Variants in FBXO4 observed in about 807,000 individuals in gnomAD.
FBXO4 encodes F-box only protein 4.
FBXO4 carries 36 observed loss-of-function variants against 43.7 expected under a neutral mutation model. That is an observed-to-expected ratio of 0.82 (90% CI 0.63 to 1.09). FBXO4 has a LOEUF of 1.09. FBXO4 is among the 50% of genes least tolerant of loss of function. The pLI is 0.00. For synonymous variants in FBXO4, 180 were observed against 165.6 expected, an observed-to-expected ratio of 1.09 and a Z score of -0.67; for missense variants, 435 against 474.1, an observed-to-expected ratio of 0.92 and a Z score of 0.77.
At chr5:41,973,854 A>G in the FBXO4 span, among the ~76,000 whole-genome samples, 2 of 152,222 alleles carry the variant, frequency 1.3e-5, no homozygotes, top group African/African-American at 2.4e-5. Context: ...ATAGCTGATT[A>G]TCTTTTAGAC....
intron 5 of FBXO4, among the ~76,000 whole-genome samples, chr5:41,936,026 T>A (rs1433454442): frequency 2.0e-5 from 3 of 152,354 alleles, no homozygotes; most frequent in Non-Finnish European, 4.4e-5. Context: ...TGATTCAGCC[T>A]ACTGCATTAA....
chr5:42,038,832 A>C, the FBXO4 span, among the ~76,000 whole-genome samples: 1 of 151,972 alleles, frequency 6.6e-6, no homozygotes, highest in Non-Finnish European at 1.5e-5. Context: ...TCATTTTTTA[A>C]AGCTCCCACA....
the FBXO4 span, among the ~76,000 whole-genome samples, chr5:41,975,295 G>C: frequency 6.6e-6 from 1 of 152,308 alleles, no homozygotes; most frequent in Admixed American, 6.5e-5. Flanking sequence ...TCTTTCTATA[G>C]AGTTAAGACT....
the FBXO4 span, among the ~76,000 whole-genome samples, chr5:42,010,707 T>C: frequency 1.2e-4 from 19 of 152,256 alleles, no homozygotes; most frequent in East Asian, 3.7e-3. Context: ...CTTAGGTATA[T>C]ACCCTGAAGT....
chr5:41,987,415 A>G, the FBXO4 span, among the ~76,000 whole-genome samples: 2 of 152,130 alleles, frequency 1.3e-5, no homozygotes, highest in African/African-American at 4.8e-5. Flanking sequence ...CTGCATGCCT[A>G]CATATATCTA....
chr5:42,004,999 A>G, the FBXO4 span, among the ~76,000 whole-genome samples: 2 of 152,166 alleles, frequency 1.3e-5, no homozygotes, highest in Non-Finnish European at 2.9e-5. Flanking sequence ...CTGGTTAGCA[A>G]ATTGCCTGAA....
chr5:41,986,123 T>G, the FBXO4 span, among the ~76,000 whole-genome samples: 3 of 152,126 alleles, frequency 2.0e-5, no homozygotes, highest in Admixed American at 2.0e-4. Context: ...ATTTAGAAAG[T>G]ATTGCGTAAG....
the FBXO4 span, among the ~76,000 whole-genome samples, chr5:41,999,524 C>CAT: frequency 9.7e-3 from 847 of 87,672 alleles, 21 homozygotes; most frequent in African/African-American, 0.041. Flanking sequence ...TATATATATA[C>CAT]ATATATATAT....
chr5:42,011,054 G>A, the FBXO4 span, among the ~76,000 whole-genome samples: 3 of 152,040 alleles, frequency 2.0e-5, no homozygotes, highest in Non-Finnish European at 4.4e-5. Flanking sequence ...AGGCCTCAGT[G>A]TGTGATGTTC....
Position 41,934,195 on chromosome 5 carries a change from A to G in FBXO4, c.785A>G (p.His262Arg), listed in dbSNP as rs763388630. 2.5e-6 allele frequency: 4 copies of G among 1,614,054 alleles called. No homozygotes were observed. In the African/African-American group the frequency reaches 4.0e-5, roughly 16 times the overall value. The change falls in exon 5 of 7, where the codon CAC becomes CGC. Residue 262 changes from histidine (H) to arginine (R), a missense_variant. His to Arg is a conservative substitution (Grantham distance 29). Transcript: ENST00000281623. ...GCAGTTAACAAGATGTTCAGTCGAC[A>G]CAATGAAGGTGATGATCAACAAGGA... ...TSAVNKMFSRHNEGDDQQGSR... is the reference protein window; with the variant it reads ...TSAVNKMFSRRNEGDDQQGSR...
the FBXO4 span, among the ~76,000 whole-genome samples, chr5:41,983,939 T>G: frequency 6.6e-6 from 1 of 152,096 alleles, no homozygotes; most frequent in Non-Finnish European, 1.5e-5. Context: ...ATCTCATTAT[T>G]TGGCCACACT....
chr5:41,994,603 G>A, the FBXO4 span, among the ~76,000 whole-genome samples: 1 of 152,264 alleles, frequency 6.6e-6, no homozygotes, highest in Non-Finnish European at 1.5e-5. Flanking sequence ...GTAATACTAA[G>A]AGACATTATA....
chr5:42,025,911 T>C, the FBXO4 span, among the ~76,000 whole-genome samples: 1,799 of 152,098 alleles, frequency 0.012, 40 homozygotes, highest in African/African-American at 0.041. Context: ...TGTTTGTTTT[T>C]ATGCCAGTAT....
chr5:41,992,586 C>G, the FBXO4 span, among the ~76,000 whole-genome samples: 1 of 152,116 alleles, frequency 6.6e-6, no homozygotes, highest in African/African-American at 2.4e-5. Flanking sequence ...CAGCAATGGT[C>G]TCTAGAAAAC....
At chr5:41,949,987 G>T in the FBXO4 span, among the ~76,000 whole-genome samples, 2 of 152,128 alleles carry the variant, frequency 1.3e-5, no homozygotes, top group Non-Finnish European at 2.9e-5. Flanking sequence ...TTTAATAAAT[G>T]GTGTTGGGAA....
rs1474371336 is a variant in FBXO4 at position 41,934,113 on chromosome 5, CTT to C, written c.723-18_723-17del. ...TGTTTAGTGTCTTTTTATATTCTGT[CTT>C]TACAATTTTTTTTCTAGAAAGGAAA... On this transcript the variant is annotated intron_variant, in intron 4 of 6. Coordinates refer to ENST00000281623, the MANE Select transcript of FBXO4 (RefSeq NM_012176.3). 6.2e-7 allele frequency: 1 copy of C among 1,613,154 alleles called. No individual in the cohort carries two copies. The highest frequency in any genetic ancestry group is 8.5e-7 in the Non-Finnish European group (1 of 1,179,594).
the FBXO4 span, among the ~76,000 whole-genome samples, chr5:42,038,058 A>G: frequency 6.6e-6 from 1 of 152,074 alleles, no homozygotes; most frequent in African/African-American, 2.4e-5. Flanking sequence ...ATGAGGTGGT[A>G]TCTCCTTGAC....
chr5:42,040,380 A>G, the FBXO4 span, among the ~76,000 whole-genome samples: 1 of 152,118 alleles, frequency 6.6e-6, no homozygotes, highest in Non-Finnish European at 1.5e-5. Context: ...ATAAACACTT[A>G]ATATGTATTT....
the FBXO4 span, among the ~76,000 whole-genome samples, chr5:41,961,045 T>C: frequency 6.6e-6 from 1 of 152,104 alleles, no homozygotes; most frequent in Non-Finnish European, 1.5e-5. Flanking sequence ...TTCCTTACTT[T>C]ACGTGCTAAT....
Sources: allele counts gnomAD v4.1 joint callset (sites outside exome capture counted in the v4.1 genomes callset), GRCh38; gene constraint gnomAD v4.1.1; transcripts MANE v1.5; gene names NCBI Gene and HGNC (gene_info 2026-07-23, HGNC 2026-07-21).